The following PARD3 variants were observed in gnomAD, a reference collection of about 807,000 sequenced individuals.
The protein encoded by PARD3 is partitioning defective 3 homolog.
Under a neutral mutation model 155.4 loss-of-function variants are expected in PARD3, and 75 were observed. The ratio of observed to expected loss-of-function variants is 0.48; its 90% CI spans 0.40 to 0.58. The LOEUF is 0.58. Ranked by LOEUF, PARD3 falls within the 20% of genes least tolerant of loss-of-function variation. The pLI, the probability that PARD3 is intolerant of heterozygous loss-of-function variation, is 0.00. For synonymous variants in PARD3, 576 were observed against 610.5 expected (o/e 0.94, Z 0.83); for missense variants, 1,642 against 1,721.7 (o/e 0.95, Z 0.82).
intron 1 of PARD3, among the ~76,000 whole-genome samples, chr10:34,728,924 C>T (rs533077647): frequency 1.3e-5 from 2 of 152,282 alleles, no homozygotes; most frequent in South Asian, 2.1e-4. Flanking sequence ...GATTGTAATA[C>T]CGTATTTCTA....
chr10:34,210,750 T>C (rs1951706778), intron 22 of PARD3, among the ~76,000 whole-genome samples: 1 of 152,106 alleles, frequency 6.6e-6, no homozygotes, highest in South Asian at 2.1e-4. Context: ...AAATAGGGTG[T>C]CTGGGATGAT....
chr10:34,484,283 C>T (rs2079289841), intron 3 of PARD3, among the ~76,000 whole-genome samples: 2 of 152,012 alleles, frequency 1.3e-5, no homozygotes, highest in Admixed American at 6.6e-5. Context: ...TTAGGAGCTA[C>T]AAATAAATTT....
chr10:34,808,199 A>T (rs1843642105), intron 1 of PARD3, among the ~76,000 whole-genome samples: 1 of 150,686 alleles, frequency 6.6e-6, no homozygotes, highest in East Asian at 1.9e-4. Flanking sequence ...CTGTAGTCCC[A>T]GCTACTTGGG....
At chr10:34,518,694 T>A (rs917988264) in intron 2 of PARD3, among the ~76,000 whole-genome samples, 1 of 152,074 alleles carries the variant, frequency 6.6e-6, no homozygotes, top group Non-Finnish European at 1.5e-5. Flanking sequence ...TTCCAAATAA[T>A]AAATAGAAGG....
intron 22 of PARD3, among the ~76,000 whole-genome samples, chr10:34,137,548 T>C (rs1947965381): frequency 6.6e-6 from 1 of 152,270 alleles, no homozygotes; most frequent in African/African-American, 2.4e-5. Flanking sequence ...TGTGTTACTT[T>C]GTTTTGTAGC....
chr10:34,710,611 T>C (rs145790708), intron 1 of PARD3, among the ~76,000 whole-genome samples: 264 of 152,268 alleles, frequency 1.7e-3, no homozygotes, highest in African/African-American at 6.1e-3. Flanking sequence ...CAAAATCCAG[T>C]GTTCTTGGCC....
At chr10:34,790,807 A>T (rs1841532419) in intron 1 of PARD3, among the ~76,000 whole-genome samples, 1 of 151,276 alleles carries the variant, frequency 6.6e-6, no homozygotes. Flanking sequence ...GAAGTTACAT[A>T]AAAAAATCAT....
At chr10:34,295,579 T>C (rs1956871513) in intron 20 of PARD3, among the ~76,000 whole-genome samples, 1 of 152,178 alleles carries the variant, frequency 6.6e-6, no homozygotes, top group African/African-American at 2.4e-5. Flanking sequence ...GCTTCATCAT[T>C]GCCTTCAGTC....
At chr10:34,807,627 T>G (rs1048690878) in intron 1 of PARD3, among the ~76,000 whole-genome samples, 2 of 152,232 alleles carry the variant, frequency 1.3e-5, no homozygotes, top group Non-Finnish European at 2.9e-5. Context: ...CTTGCTGCTA[T>G]GAACACTGAT....
intron 20 of PARD3, among the ~76,000 whole-genome samples, chr10:34,296,614 G>A (rs943648842): frequency 5.3e-5 from 8 of 152,126 alleles, no homozygotes; most frequent in East Asian, 1.9e-4. Context: ...TATAAAATAC[G>A]TGGATGTGGG....
chr10:34,446,187 A>G (rs556412871), intron 5 of PARD3, among the ~76,000 whole-genome samples: 3 of 152,174 alleles, frequency 2.0e-5, no homozygotes, highest in Non-Finnish European at 4.4e-5. Context: ...TAGAGCACAG[A>G]GCTAAGGTGG....
At chr10:34,167,078 G>A (rs979601810) in intron 22 of PARD3, among the ~76,000 whole-genome samples, 2 of 151,998 alleles carry the variant, frequency 1.3e-5, no homozygotes, top group Non-Finnish European at 2.9e-5. Flanking sequence ...GCAGCGTCGA[G>A]CTTGGATTTT....
intron 22 of PARD3, among the ~76,000 whole-genome samples, chr10:34,147,388 CTT>C (rs943551311): frequency 2.0e-5 from 3 of 151,968 alleles, no homozygotes; most frequent in Non-Finnish European, 2.9e-5. Context: ...AAAAATATAT[CTT>C]TACTATTGTG....
intron 22 of PARD3, among the ~76,000 whole-genome samples, chr10:34,209,505 A>G (rs1951638464): frequency 6.6e-6 from 1 of 152,206 alleles, no homozygotes; most frequent in Non-Finnish European, 1.5e-5. Context: ...AATGTTAGAT[A>G]TTAGTGTGTT....
chr10:34,654,828 A>G (rs1478821702), intron 2 of PARD3, among the ~76,000 whole-genome samples: 2 of 152,158 alleles, frequency 1.3e-5, no homozygotes, highest in Non-Finnish European at 2.9e-5. Context: ...TGTCCAAAAC[A>G]ATTTTGACCC....
At chr10:34,642,208 C>T (rs1297189899) in intron 2 of PARD3, among the ~76,000 whole-genome samples, 1 of 152,108 alleles carries the variant, frequency 6.6e-6, no homozygotes, top group Non-Finnish European at 1.5e-5. Flanking sequence ...TCCTGCCCTG[C>T]CTCGCACCCT....
chr10:34,158,598 G>A (rs1160352449), intron 22 of PARD3, among the ~76,000 whole-genome samples: 6 of 152,110 alleles, frequency 3.9e-5, no homozygotes, highest in Non-Finnish European at 4.4e-5. Flanking sequence ...TAAGAAACCG[G>A]GTCCCAAGCC....
chr10:34,650,172 GA>G (rs1263486810), intron 2 of PARD3, among the ~76,000 whole-genome samples: 25 of 152,318 alleles, frequency 1.6e-4, no homozygotes, highest in African/African-American at 5.3e-4. Flanking sequence ...GCCAGTAACA[GA>G]GTCAAAGATT....
At chr10:34,516,816 G>T (rs1014812735) in intron 3 of PARD3, among the ~76,000 whole-genome samples, 163 bp downstream of exon 3, 11 of 152,164 alleles carry the variant, frequency 7.2e-5, no homozygotes, top group African/African-American at 2.7e-4. Flanking sequence ...ACAATGTAAA[G>T]AACTGCCTAC....
Sources: gnomAD v4.1 joint callset for allele counts (sites outside exome capture counted in the v4.1 genomes callset) on GRCh38, gnomAD v4.1.1 for gene constraint, MANE v1.5 for transcripts, NCBI Gene and HGNC (gene_info 2026-07-23, HGNC 2026-07-21) for gene names.